The following TMEM212 variants were observed in gnomAD, a reference collection of about 807,000 sequenced individuals.
TMEM212 encodes the protein transmembrane protein 212.
A neutral mutation model predicts 20.5 loss-of-function variants in TMEM212; 23 were observed. The ratio of observed to expected loss-of-function variants is 1.12; its 90% CI spans 0.81 to 1.59. The LOEUF (loss-of-function observed/expected upper bound fraction) is 1.59. TMEM212 is among the 40% of genes most tolerant of loss of function. The pLI, the probability that TMEM212 is intolerant of heterozygous loss-of-function variation, is 0.00. For synonymous variants in TMEM212, 76 were observed against 81.6 expected (o/e 0.93, Z 0.37); for missense variants, 211 against 215.0 (o/e 0.98, Z 0.12).
intron 3 of TMEM212, 33 bp downstream of exon 3, chr3:171,853,883 T>C: frequency 6.7e-7 from 1 of 1,488,102 alleles, no homozygotes; most frequent in South Asian, 1.2e-5. Flanking sequence ...CAGGTTCTTG[T>C]TCCATCTTGT....
At chr3:171,850,699 T>C (rs1578516656) in intron 1 of TMEM212, among the ~76,000 whole-genome samples, 1 of 152,322 alleles carries the variant, frequency 6.6e-6, no homozygotes, top group East Asian at 1.9e-4. Context: ...TAGGGTCCCT[T>C]GGAAACTTTC....
At chr3:171,850,039 C>T (rs1380995060) in intron 1 of TMEM212, among the ~76,000 whole-genome samples, 1 of 152,120 alleles carries the variant, frequency 6.6e-6, no homozygotes, top group African/African-American at 2.4e-5. Flanking sequence ...ATTTTCTCTT[C>T]CCCTTGACTT....
chr3:171,844,057 T>A (rs982789674), intron 1 of TMEM212, among the ~76,000 whole-genome samples: 1 of 152,196 alleles, frequency 6.6e-6, no homozygotes, highest in Non-Finnish European at 1.5e-5. Flanking sequence ...CTCAATAATT[T>A]TCAATTATTT....
In TMEM212 at chr3:171,858,198, A is replaced by G. The variant is rs1342826240; in HGVS notation, c.*141A>G. On this transcript the variant is annotated 3_prime_UTR_variant, in exon 5 of 5. Coordinates refer to ENST00000334567, the MANE Select transcript of TMEM212 (RefSeq NM_001164436.2). Reference sequence around the variant, plus strand: ...TCTACAAGGCTACAGTTACCAAAACAGCATGGTACTGGTACCAAAACAGAT... The same window carrying G: ...TCTACAAGGCTACAGTTACCAAAACGGCATGGTACTGGTACCAAAACAGAT... 1.3e-5 allele frequency: 2 copies of G among 152,238 alleles called. No individual in the cohort carries two copies. The highest frequency in any genetic ancestry group is 4.8e-5 in the African/African-American group (2 of 41,410). The allele number at this position is 152,238 out of a possible 1,614,324, so 9.4% of individuals were successfully genotyped here.
In TMEM212 at chr3:171,859,273, C is replaced by G. The variant is rs193193067; in HGVS notation, c.*1216C>G. On this transcript the variant is annotated 3_prime_UTR_variant, in exon 5 of 5. Transcript: ENST00000334567. ...ATGCAACAAACCTGCATGTTGTGCA[C>G]ATGTACCCTAGAACTTAGAGTATAA... The G allele has an allele frequency of 5.3e-5, 8 of 152,068 alleles. No individual in the cohort carries two copies. In the East Asian group the frequency reaches 1.5e-3, roughly 29 times the overall value. 9.4% of individuals were successfully genotyped at this position (152,068 alleles called of 1,614,324 possible). A position where few individuals can be genotyped will look rare whatever the true frequency, so the allele number is the denominator to read the frequency against.
chr3:171,846,732 C>T (rs1205094586), intron 1 of TMEM212, among the ~76,000 whole-genome samples: 2 of 152,166 alleles, frequency 1.3e-5, no homozygotes, highest in Non-Finnish European at 2.9e-5. Context: ...CTCAGTCTTT[C>T]AATAATGTCT....
intron 2 of TMEM212, among the ~76,000 whole-genome samples, chr3:171,853,119 C>G (rs1725023316): frequency 6.6e-6 from 1 of 152,024 alleles, no homozygotes; most frequent in Admixed American, 6.5e-5. Flanking sequence ...TAAATTTTGC[C>G]CCAGTTGGCT....
At position 171,853,796 on chromosome 3, in the gene TMEM212, C is replaced by A; in HGVS notation, c.489C>A (p.Ser163=). 1 of 1,537,050 alleles carries A rather than the reference C, an allele frequency of 6.5e-7. No individual in the cohort carries two copies. Among genetic ancestry groups the A allele is most frequent in the Non-Finnish European group, 8.7e-7 (1 of 1,146,800 alleles). The part of the protein sequence containing the change: ...LCLSFTLLCT[S]LTVFIKLSAR... ...TAAGCTTTACCCTACTCTGTACATC[C>A]TTGACAGTGTTCATCAAACTTTCTG... Residue 163 remains serine, a synonymous_variant, in exon 3 of 5, where the codon TCC becomes TCA. Coordinates refer to ENST00000334567, the MANE Select transcript of TMEM212 (RefSeq NM_001164436.2).
intron 1 of TMEM212, among the ~76,000 whole-genome samples, chr3:171,847,977 T>C (rs1241723068): frequency 6.6e-6 from 1 of 152,214 alleles, no homozygotes. Context: ...AAATAATCTA[T>C]GTCAATGGTC....
chr3:171,854,704 A>G (rs2108382310), intron 3 of TMEM212, among the ~76,000 whole-genome samples: 1 of 152,332 alleles, frequency 6.6e-6, no homozygotes, highest in Non-Finnish European at 1.5e-5. Context: ...CTTGAGAAAG[A>G]ACAAAGCTGG....
In TMEM212 at chr3:171,843,555, T is replaced by G. The variant is rs2108376927; in HGVS notation, c.159+13T>G. 4 of 1,519,362 alleles carry G rather than the reference T, an allele frequency of 2.6e-6. No homozygotes were observed. Among genetic ancestry groups the G allele is most frequent in the Non-Finnish European group, 3.5e-6 (4 of 1,138,164 alleles). The allele number at this position is 1,519,362 out of a possible 1,614,324, so 94.1% of individuals were successfully genotyped here. A position where few individuals can be genotyped will look rare whatever the true frequency, so the allele number is the denominator to read the frequency against. On this transcript the variant is annotated intron_variant, in intron 1 of 4. Coordinates refer to ENST00000334567, the MANE Select transcript of TMEM212 (RefSeq NM_001164436.2). ...GAATGGAGCTTTGGTATGAAAATAG[T>G]TTATTAAATATATTGAGAAAATAAA...
At position 171,859,185 on chromosome 3, in the gene TMEM212, G is replaced by A. The variant is rs1166083372; in HGVS notation, c.*1128G>A. On this transcript the variant is annotated 3_prime_UTR_variant, in exon 5 of 5. Coordinates refer to ENST00000334567, the MANE Select transcript of TMEM212 (RefSeq NM_001164436.2). ...GGCTGGGGGAGGGATAGCATTAGGA[G>A]AAATTCCTAATGTAGATGATGAGTT... 1 of 152,056 alleles carries A rather than the reference G, an allele frequency of 6.6e-6. No homozygotes were observed. The highest frequency in any genetic ancestry group is 1.5e-5 in the Non-Finnish European group (1 of 68,022). The allele number at this position is 152,056 out of a possible 1,614,324, so 9.4% of individuals were successfully genotyped here. A position where few individuals can be genotyped will look rare whatever the true frequency, so the allele number is the denominator to read the frequency against.
In TMEM212 at chr3:171,853,757, C is replaced by T. The variant is rs1456917237; in HGVS notation, c.450C>T (p.Ala150=). 5 of 1,537,322 alleles carry T rather than the reference C, an allele frequency of 3.3e-6. No homozygotes were observed. The highest frequency in any genetic ancestry group is 2.4e-5 in the East Asian group (1 of 40,906). The part of the protein sequence containing the change: ...HYEEYHLTLQ[A]LDLCLSFTLL... ...AAGAGTACCACCTGACACTTCAAGC[C>T]CTAGACCTGTGCCTAAGCTTTACCC... The change falls in exon 3 of 5, where the codon GCC becomes GCT. Residue 150 remains alanine, a synonymous_variant. Transcript: ENST00000334567.
chr3:171,852,919 G>A (rs1277339708), intron 2 of TMEM212, among the ~76,000 whole-genome samples: 1 of 152,228 alleles, frequency 6.6e-6, no homozygotes, highest in African/African-American at 2.4e-5. Context: ...TGAGGCCTGA[G>A]ATTCTGCATG....
chr3:171,851,292 C>T (rs1286167734), intron 1 of TMEM212, among the ~76,000 whole-genome samples: 4 of 151,978 alleles, frequency 2.6e-5, no homozygotes, highest in East Asian at 1.9e-4. Flanking sequence ...TTTCATTATC[C>T]GCTGCTAAAT....
intron 1 of TMEM212, among the ~76,000 whole-genome samples, chr3:171,849,820 T>G (rs1724929179): frequency 2.0e-5 from 3 of 152,130 alleles, no homozygotes; most frequent in African/African-American, 4.8e-5. Flanking sequence ...GTGTTAGCAG[T>G]AATTGTTGCA....
intron 1 of TMEM212, among the ~76,000 whole-genome samples, chr3:171,847,298 T>C (rs1724858414): frequency 6.6e-6 from 1 of 152,234 alleles, no homozygotes; most frequent in Middle Eastern, 3.2e-3. Flanking sequence ...GCCCAGTGAC[T>C]TGGCCAATGG....
chr3:171,855,042 G>C (rs1417990677), intron 3 of TMEM212, among the ~76,000 whole-genome samples: 1 of 151,870 alleles, frequency 6.6e-6, no homozygotes, highest in Non-Finnish European at 1.5e-5. Flanking sequence ...TCTAGAGACA[G>C]GTCTTTAATA....
At chr3:171,856,849 G>C (rs1457689134) in intron 4 of TMEM212, 142 bp downstream of exon 4, 1 of 426,874 alleles carries the variant, frequency 2.3e-6, no homozygotes, top group East Asian at 3.4e-5. Context: ...ATTAAAATGG[G>C]TACTGCATCT....
Sources: allele counts gnomAD v4.1 joint callset (sites outside exome capture counted in the v4.1 genomes callset), GRCh38; gene constraint gnomAD v4.1.1; transcripts MANE v1.5; gene names NCBI Gene and HGNC (gene_info 2026-07-23, HGNC 2026-07-21).